The following IGF2BP2 variants were observed in gnomAD, a reference collection of about 807,000 sequenced individuals.
IGF2BP2 encodes the protein insulin-like growth factor 2 mRNA-binding protein 2.
Under a neutral mutation model 75.8 loss-of-function variants are expected in IGF2BP2, and 17 were observed. The ratio of observed to expected loss-of-function variants is 0.22; its 90% confidence interval spans 0.15 to 0.34. IGF2BP2 has a LOEUF of 0.34. Ranked by LOEUF, IGF2BP2 falls within the 10% of genes least tolerant of loss-of-function variation. The pLI is 1.00. For missense variants in IGF2BP2, 516 were observed against 772.4 expected (o/e 0.67, Z 3.93); for synonymous variants, 288 against 295.6 (o/e 0.97, Z 0.26).
intron 2 of IGF2BP2, among the ~76,000 whole-genome samples, chr3:185,765,613 C>T (rs1288976810): frequency 6.6e-6 from 1 of 152,152 alleles, no homozygotes; most frequent in East Asian, 1.9e-4. Context: ...GAGAAAGGTC[C>T]ATCTATTAAT....
chr3:185,763,026 T>C (rs1732585419), intron 2 of IGF2BP2, among the ~76,000 whole-genome samples: 1 of 152,232 alleles, frequency 6.6e-6, no homozygotes, highest in South Asian at 2.1e-4. Flanking sequence ...AGGGATTCAT[T>C]AGAATCACCT....
In IGF2BP2 at chr3:185,647,389, G is replaced by A. The variant is rs1215031756; in HGVS notation, c.1594-251C>T. Reference sequence around the variant, plus strand: ...GCCACAGATTCCTGGGGCTGCTTCTGAGGCGAAGTTCTCTTATTCTGGAGT... The same window carrying A: ...GCCACAGATTCCTGGGGCTGCTTCTAAGGCGAAGTTCTCTTATTCTGGAGT... On this transcript the variant is annotated intron_variant, in intron 14 of 15. Coordinates refer to ENST00000382199, the MANE Select transcript of IGF2BP2 (RefSeq NM_006548.6). This position sits in a 1 kb window ranked among gnomAD's most constrained non-coding sequence, Gnocchi z 4.9. Among the ~76,000 whole-genome samples the A allele has an allele frequency of 1.3e-5, 2 of 152,052 alleles. No individual in the cohort carries two copies. The highest frequency in any genetic ancestry group is 2.9e-5 in the Non-Finnish European group (2 of 68,006).
intron 2 of IGF2BP2, among the ~76,000 whole-genome samples, chr3:185,811,830 G>GTGTCTCTCTCTCTCTCTCTCTC (rs1553897408): frequency 8.3e-6 from 1 of 120,694 alleles, no homozygotes; most frequent in Non-Finnish European, 1.8e-5. Context: ...AGAGTAGGGT[G>GTGTCTCTCTCTCTCTCTCTCTC]TCTCTCTCTC....
chr3:185,673,347 A>G (rs1169142313), intron 9 of IGF2BP2, among the ~76,000 whole-genome samples: 1 of 152,236 alleles, frequency 6.6e-6, no homozygotes, highest in Non-Finnish European at 1.5e-5. Context: ...TTTAAAACAA[A>G]TTGGATTAAC....
chr3:185,747,796 TC>T (rs1560403720), intron 2 of IGF2BP2, among the ~76,000 whole-genome samples: 2 of 151,640 alleles, frequency 1.3e-5, no homozygotes, highest in Admixed American at 1.3e-4. Context: ...AAAGGTGCCT[TC>T]CTATCACGAT....
intron 2 of IGF2BP2, among the ~76,000 whole-genome samples, chr3:185,800,514 A>T (rs921226664): frequency 6.6e-6 from 1 of 152,156 alleles, no homozygotes; most frequent in Non-Finnish European, 1.5e-5. Flanking sequence ...TGAGGCAAGG[A>T]TCATTTGAGG....
intron 2 of IGF2BP2, among the ~76,000 whole-genome samples, chr3:185,710,204 G>A (rs1578052635): frequency 9.3e-6 from 1 of 107,306 alleles, no homozygotes; most frequent in Non-Finnish European, 1.8e-5. Context: ...ATCTTTAAAT[G>A]CCTATTTCTG....
intron 6 of IGF2BP2, among the ~76,000 whole-genome samples, chr3:185,688,733 G>A (rs1721495283): frequency 6.6e-6 from 1 of 152,170 alleles, no homozygotes; most frequent in Non-Finnish European, 1.5e-5. Context: ...ACCATTTAAA[G>A]TGCTACAACT....
intron 11 of IGF2BP2, among the ~76,000 whole-genome samples, chr3:185,657,609 G>A (rs182447053): frequency 4.6e-5 from 7 of 152,318 alleles, no homozygotes; most frequent in South Asian, 2.1e-4. Context: ...CACAGGCAGC[G>A]CTAGTGATAA....
chr3:185,820,884 C>T (rs1469730026), intron 2 of IGF2BP2: 2 of 765,600 alleles, frequency 2.6e-6, no homozygotes, highest in East Asian at 5.9e-5. Context: ...ACACAAAAAC[C>T]ACATATAGAA....
intron 2 of IGF2BP2, chr3:185,728,763 C>T (rs1456047397): frequency 1.3e-5 from 2 of 152,252 alleles, no homozygotes; most frequent in Admixed American, 6.5e-5. Flanking sequence ...AGGATTCAAA[C>T]GCAGGCAATC....
chr3:185,646,717 G>A (rs765782011), intron 15 of IGF2BP2, among the ~76,000 whole-genome samples: 2 of 152,156 alleles, frequency 1.3e-5, no homozygotes, highest in Non-Finnish European at 2.9e-5. Flanking sequence ...AGAGGGTGAG[G>A]GAAGCTGAGG....
chr3:185,809,577 CCATGATAGCAT>C (rs1739523669), intron 2 of IGF2BP2, among the ~76,000 whole-genome samples: 1 of 152,084 alleles, frequency 6.6e-6, no homozygotes, highest in Admixed American at 6.5e-5. Context: ...CTGCAGTGAG[CCATGATAGCAT>C]CATTGCACCC....
chr3:185,658,832 G>C (rs913550718), intron 10 of IGF2BP2, among the ~76,000 whole-genome samples: 2 of 152,202 alleles, frequency 1.3e-5, no homozygotes, highest in African/African-American at 4.8e-5. Context: ...AAAGAACAGA[G>C]TGTGCTGGAC....
At chr3:185,718,878 C>T (rs2149455690) in intron 2 of IGF2BP2, among the ~76,000 whole-genome samples, 1 of 152,176 alleles carries the variant, frequency 6.6e-6, no homozygotes, top group East Asian at 1.9e-4. Flanking sequence ...AGTCAAGAAC[C>T]ACCATTTTGA....
chr3:185,813,811 G>A (rs1247293795), intron 2 of IGF2BP2, among the ~76,000 whole-genome samples: 4 of 152,148 alleles, frequency 2.6e-5, no homozygotes, highest in African/African-American at 9.7e-5. Flanking sequence ...CCAACCAGGG[G>A]GCAATGGGGC....
At chr3:185,735,781 A>G (rs915821029) in intron 2 of IGF2BP2, among the ~76,000 whole-genome samples, 7 of 152,154 alleles carry the variant, frequency 4.6e-5, no homozygotes, top group African/African-American at 1.7e-4. Context: ...ATACCTTTTC[A>G]TTTCCATCAC....
chr3:185,743,636 A>T (rs1453935733), intron 2 of IGF2BP2, among the ~76,000 whole-genome samples: 1 of 152,218 alleles, frequency 6.6e-6, no homozygotes, highest in Admixed American at 6.5e-5. Context: ...CCACATTTTC[A>T]TTCTGCACTT....
chr3:185,752,852 C>T (rs1286638872), intron 2 of IGF2BP2, among the ~76,000 whole-genome samples: 1 of 152,168 alleles, frequency 6.6e-6, no homozygotes, highest in Admixed American at 6.5e-5. Context: ...CCACCTCAGC[C>T]TCCCAAAGTT....
Sources: gnomAD v4.1 joint callset for allele counts (sites outside exome capture counted in the v4.1 genomes callset) on GRCh38, gnomAD v4.1.1 for gene constraint, Gnocchi (gnomAD v3.1) non-coding constraint, MANE v1.5 for transcripts, NCBI Gene and HGNC (gene_info 2026-07-23, HGNC 2026-07-21) for gene names.